The following STK10 variants were observed in gnomAD, a reference collection of about 807,000 sequenced individuals.
STK10 encodes the protein serine/threonine-protein kinase 10.
STK10 carries 78 observed loss-of-function variants against 113.8 expected under a neutral mutation model. That is an observed-to-expected ratio of 0.69 (90% CI 0.57 to 0.83). The LOEUF is 0.83. Ranked by LOEUF, STK10 falls within the 40% of genes least tolerant of loss-of-function variation. The pLI is 0.00. For synonymous variants in STK10, 465 were observed against 494.7 expected (o/e 0.94, Z 0.80); for missense variants, 1,109 against 1,280.1 (o/e 0.87, Z 2.04).
chr5:172,147,502 C>T lies in STK10; in HGVS notation c.321+9122G>A, dbSNP rs574885716. Among the ~76,000 whole-genome samples the T allele has an allele frequency of 9.7e-4, 147 of 152,230 alleles. 1 individual carries two copies. The highest frequency in any genetic ancestry group is 1.9e-3 in the Non-Finnish European group (128 of 68,006). ...TGCCTCCCGGGTTCACGCCATTCTC[C>T]TGCCTCAGCCTCCCGAATAGCTGGG... On this transcript the variant is annotated intron_variant, in intron 2 of 18. Transcript: ENST00000176763.
intron 2 of STK10, among the ~76,000 whole-genome samples, chr5:172,154,048 G>C (rs1213305201): frequency 6.6e-6 from 1 of 152,156 alleles, no homozygotes; most frequent in Non-Finnish European, 1.5e-5. Context: ...CTGTAACACA[G>C]AATATGCCTC....
At position 172,045,073 on chromosome 5, in the gene STK10, G is replaced by A. The variant is rs377422097; in HGVS notation, c.2767-51C>T. Reference sequence around the variant, plus strand: ...ACTTGGTGAGATCTGCAGGCCACACGTGGGTCTCCCACTCACAGGACCCCC... The same window carrying A: ...ACTTGGTGAGATCTGCAGGCCACACATGGGTCTCCCACTCACAGGACCCCC... On this transcript the variant is annotated intron_variant, in intron 18 of 18. Coordinates refer to ENST00000176763, the MANE Select transcript of STK10 (RefSeq NM_005990.4). The A allele has an allele frequency of 5.8e-5, 93 of 1,601,600 alleles. No individual in the cohort carries two copies. In the East Asian group the frequency reaches 1.1e-3, roughly 18 times the overall value.
chr5:172,167,433 G>A (rs1770592212), intron 1 of STK10, among the ~76,000 whole-genome samples: 2 of 152,158 alleles, frequency 1.3e-5, no homozygotes, highest in Non-Finnish European at 2.9e-5. Flanking sequence ...ATGTGCCTAT[G>A]GACAGGGACG....
chr5:172,085,821 T>TG (rs1272316960), intron 10 of STK10, among the ~76,000 whole-genome samples: 1 of 152,160 alleles, frequency 6.6e-6, no homozygotes, highest in Non-Finnish European at 1.5e-5. Flanking sequence ...CTCTCAGGGT[T>TG]GGGGTCCGTG....
chr5:172,137,281 C>T (rs1769883055), intron 2 of STK10, among the ~76,000 whole-genome samples: 1 of 151,990 alleles, frequency 6.6e-6, no homozygotes, highest in Non-Finnish European at 1.5e-5. Flanking sequence ...GTTTGAATGC[C>T]TCTGACATAC....
intron 2 of STK10, among the ~76,000 whole-genome samples, chr5:172,153,428 T>C (rs1732889174): frequency 6.6e-6 from 1 of 152,190 alleles, no homozygotes; most frequent in South Asian, 2.1e-4. Context: ...AAAGCAGAAG[T>C]AGTGATAAGG....
At chr5:172,116,312 C>G (rs1186538210) in intron 4 of STK10, among the ~76,000 whole-genome samples, 3 of 151,946 alleles carry the variant, frequency 2.0e-5, no homozygotes, top group Non-Finnish European at 2.9e-5. Flanking sequence ...GAACTCCTGA[C>G]CTCAGGTGAT....
rs368671444 is a variant in STK10, at chr5:172,106,401, C to CAAAAAAAAAAAAA, written c.788+206_788+218dup. Reference sequence around the variant, plus strand: ...TGGGCAAAAGAGTGAGACCCTATCTCAAAAAAAAAAAAAAAAAGGAACACA... The same window carrying CAAAAAAAAAAAAA: ...TGGGCAAAAGAGTGAGACCCTATCTCAAAAAAAAAAAAAAAAAAAAAAAAAAAAAAGGAACACA... On this transcript the variant is annotated intron_variant, in intron 6 of 18. Transcript: ENST00000176763. Among the ~76,000 whole-genome samples, 14 of 53,440 alleles carry CAAAAAAAAAAAAA rather than the reference C, an allele frequency of 2.6e-4. 1 individual carries two copies. The highest frequency in any genetic ancestry group is 3.8e-4 in the African/African-American group (7 of 18,272). The allele number at this position is 53,440 out of a possible 152,430, so 35.1% of individuals were successfully genotyped here. A position where few individuals can be genotyped will look rare whatever the true frequency, so the allele number is the denominator to read the frequency against.
Position 172,055,600 on chromosome 5 carries a change from C to T in STK10, c.2514G>A (p.Glu838=). Residue 838 remains glutamate (E), a synonymous_variant, in exon 16 of 19, where the codon GAG becomes GAA. Transcript: ENST00000176763. ...GCCCGGCCCCCACCTGCTTGATCTT[C>T]TCACGCTGCTCAGCTGCGCTGCCCC... ...NGGGSAAEQR[E]KIKQFSQQEE... is the part of the protein sequence containing the mutation. 3 of 1,514,394 alleles carry T rather than the reference C, an allele frequency of 2.0e-6. No individual in the cohort carries two copies. Among genetic ancestry groups the T allele is most frequent in the Non-Finnish European group, 2.7e-6 (3 of 1,125,148 alleles). The allele number at this position is 1,514,394 out of a possible 1,614,324, so 93.8% of individuals were successfully genotyped here. A position where few individuals can be genotyped will look rare whatever the true frequency, so the allele number is the denominator to read the frequency against.
chr5:172,173,007 C>T (rs575827317), intron 1 of STK10, among the ~76,000 whole-genome samples: 320 of 151,984 alleles, frequency 2.1e-3, no homozygotes, highest in Non-Finnish European at 3.6e-3. Context: ...GCCTCTGAGG[C>T]GAGGAGACCC....
chr5:172,135,073 G>T (rs916563058), intron 2 of STK10, among the ~76,000 whole-genome samples: 3 of 152,102 alleles, frequency 2.0e-5, no homozygotes, highest in African/African-American at 7.2e-5. Context: ...ATAGGCAAAA[G>T]ATTTGAATAG....
At chr5:172,073,758 C>T (rs1714004331) in intron 12 of STK10, among the ~76,000 whole-genome samples, 2 of 134,082 alleles carry the variant, frequency 1.5e-5, no homozygotes, top group African/African-American at 6.4e-5. Flanking sequence ...ACCAGCTTGG[C>T]CAACATGGTG....
rs746177604 is a variant in STK10, at chr5:172,127,354, C to T, written c.370+19G>A. 1.4e-5 allele frequency: 22 copies of T among 1,613,540 alleles called. No individual in the cohort carries two copies. Among genetic ancestry groups the T allele is most frequent in the South Asian group, 4.4e-5 (4 of 91,052 alleles). ...GAGTCGTCTGGTCCCGACAATGCAC[C>T]GAATCAAGTAAGACTCACCCAGCAT... On this transcript the variant is annotated intron_variant, in intron 3 of 18. Transcript: ENST00000176763.
chr5:172,045,164 T>C, intron 18 of STK10, 142 bp from the exon 19 acceptor site: 1 of 1,275,632 alleles, frequency 7.8e-7, no homozygotes, highest in South Asian at 1.5e-5. Flanking sequence ...ACGGCTTCCC[T>C]ATTTCCTACC....
chr5:172,085,151 C>T (rs764209038), intron 10 of STK10, among the ~76,000 whole-genome samples: 10 of 151,452 alleles, frequency 6.6e-5, no homozygotes, highest in East Asian at 1.9e-4. Context: ...AGGCTGAGGC[C>T]GGAAGATTGC....
chr5:172,045,401 G>GA, intron 18 of STK10: 1 of 414,330 alleles, frequency 2.4e-6, no homozygotes, highest in Non-Finnish European at 4.8e-6. Flanking sequence ...GATGTCAGAA[G>GA]TTTTTTTTTT....
At chr5:172,053,147 TTATTA>T (rs989371278) in intron 17 of STK10, 105 bp from the exon 18 acceptor site, 1 of 803,262 alleles carries the variant, frequency 1.2e-6, no homozygotes, top group African/African-American at 1.7e-5. Flanking sequence ...CATCGTTCAT[TTATTA>T]TTTCTTCTTG....
intron 10 of STK10, among the ~76,000 whole-genome samples, chr5:172,089,721 G>C (rs1462313152): frequency 6.6e-6 from 1 of 152,056 alleles, no homozygotes; most frequent in Non-Finnish European, 1.5e-5. Context: ...TGGAAGGTGA[G>C]TGAGTGGGTA....
At chr5:172,054,463 G>C in intron 17 of STK10, 106 bp downstream of exon 17, 1 of 1,504,422 alleles carries the variant, frequency 6.6e-7, no homozygotes, top group Admixed American at 1.9e-5. Context: ...GGGCGTGTCT[G>C]ATGAAGATCC....
Sources: gnomAD v4.1 joint callset for allele counts (sites outside exome capture counted in the v4.1 genomes callset) on GRCh38, gnomAD v4.1.1 for gene constraint, MANE v1.5 for transcripts, NCBI Gene and HGNC (gene_info 2026-07-23, HGNC 2026-07-21) for gene names.